Variants in WFDC1 observed in about 807,000 individuals in gnomAD.
The protein encoded by WFDC1 is WAP four-disulfide core domain 1, also known as WAP four-disulfide core domain protein 1.
Under a neutral mutation model 32.9 loss-of-function variants are expected in WFDC1, and 39 were observed. The ratio of observed to expected loss-of-function variants is 1.19; its 90% confidence interval spans 0.92 to 1.55. The LOEUF is 1.55. Ranked by LOEUF, WFDC1 falls within the 40% of genes most tolerant of loss-of-function variation. The pLI is 0.00. For synonymous variants in WFDC1, 184 were observed against 137.4 expected, an observed-to-expected ratio of 1.34 and a Z score of -2.37; for missense variants, 386 against 309.5, an observed-to-expected ratio of 1.25 and a Z score of -1.85.
chr16:84,325,696 A>G (rs1908552726), intron 5 of WFDC1: 1 of 151,752 alleles, frequency 6.6e-6, no homozygotes, highest in Non-Finnish European at 1.5e-5. Flanking sequence ...TCCTCCATCG[A>G]TCTATTCATC....
chr16:84,322,733 GCA>G (rs1908381355), intron 4 of WFDC1, among the ~76,000 whole-genome samples: 1 of 152,200 alleles, frequency 6.6e-6, no homozygotes. Flanking sequence ...CACATTTTAT[GCA>G]AGAGGAAAAT....
At chr16:84,319,948 C>T (rs1908210881) in intron 4 of WFDC1, among the ~76,000 whole-genome samples, 2 of 152,128 alleles carry the variant, frequency 1.3e-5, no homozygotes, top group Admixed American at 1.3e-4. Context: ...GTCGGAGCAG[C>T]CCTAAGGAAT....
chr16:84,322,240 A>G (rs1318559308), intron 4 of WFDC1, among the ~76,000 whole-genome samples: 1 of 150,068 alleles, frequency 6.7e-6, no homozygotes, highest in Non-Finnish European at 1.5e-5. Context: ...TGGAACTGTA[A>G]GTGGAATTCC....
Position 84,313,023 on chromosome 16 carries a change from T to C in WFDC1, c.207T>C (p.Pro69=). 1 of 1,318,002 alleles carries C rather than the reference T, an allele frequency of 7.6e-7. No individual in the cohort carries two copies. The highest frequency in any genetic ancestry group is 9.7e-7 in the Non-Finnish European group (1 of 1,035,572). The allele number at this position is 1,318,002 out of a possible 1,614,324, so 81.6% of individuals were successfully genotyped here. A position where few individuals can be genotyped will look rare whatever the true frequency, so the allele number is the denominator to read the frequency against. Residue 69 remains proline (P), a synonymous_variant, in exon 2 of 7, where the codon CCT becomes CCC. Coordinates refer to ENST00000219454, the MANE Select transcript of WFDC1 (RefSeq NM_021197.4). ...RQPRADRCPP[P]PRTLPPGACQ... ...CCCGAGCAGACCGCTGCCCGCCGCC[T>C]CCGCGGACGCTGCCCCCCGGCGCCT... is the stretch of plus-strand genomic sequence containing the variant.
At chr16:84,309,836 C>T (rs1004544429) in intron 1 of WFDC1, among the ~76,000 whole-genome samples, 10 of 141,224 alleles carry the variant, frequency 7.1e-5, no homozygotes, top group Admixed American at 4.5e-4. Flanking sequence ...TGTGTGCGTG[C>T]GTGTGTACAT....
rs148062672 is a variant in WFDC1 at position 84,308,560 on chromosome 16, G to A, written c.145-4401G>A. On this transcript the variant is annotated intron_variant, in intron 1 of 6. Coordinates refer to ENST00000219454, the MANE Select transcript of WFDC1 (RefSeq NM_021197.4). ...TTTGGCCAATTGAAGCTGATGGGAG[G>A]CCTTCCAGGCAGAGGACCAGCACGT... Among the ~76,000 whole-genome samples, 23 of 152,356 alleles carry A rather than the reference G, an allele frequency of 1.5e-4. No individual in the cohort carries two copies. In the East Asian group the frequency reaches 4.4e-3, roughly 29 times the overall value.
At chr16:84,326,193 C>G (rs1008377221) in intron 5 of WFDC1, 3 of 146,966 alleles carry the variant, frequency 2.0e-5, no homozygotes, top group Non-Finnish European at 3.0e-5. Context: ...ATCCATCCAT[C>G]ATTTATCCAT....
At chr16:84,297,861 C>T (rs1175025617) in intron 1 of WFDC1, among the ~76,000 whole-genome samples, 2 of 152,012 alleles carry the variant, frequency 1.3e-5, no homozygotes, top group Admixed American at 6.6e-5. Context: ...CCCTTTCGTT[C>T]GACAGGGACT....
At chr16:84,326,619 G>T (rs564183701) in intron 5 of WFDC1, 151 of 453,116 alleles carry the variant, frequency 3.3e-4, no homozygotes, top group Middle Eastern at 5.7e-4. Flanking sequence ...GAAGCAATTT[G>T]GCCATCCCCA....
rs539821455 is a variant in WFDC1 at position 84,301,875 on chromosome 16, G to A, written c.144+6760G>A. 1.2e-3 allele frequency among the ~76,000 whole-genome samples: 189 copies of A among 152,332 alleles called. 1 individual carries two copies. The highest frequency in any genetic ancestry group is 4.2e-3 in the African/African-American group (176 of 41,572). ...TGAAATTCCAGGTGGAAATCAACGAGTAAAGAAGCATCCCAGGTCCCTGTG... is the reference window on the plus strand; with the variant it reads ...TGAAATTCCAGGTGGAAATCAACGAATAAAGAAGCATCCCAGGTCCCTGTG... On this transcript the variant is annotated intron_variant, in intron 1 of 6. Coordinates refer to ENST00000219454, the MANE Select transcript of WFDC1 (RefSeq NM_021197.4).
chr16:84,322,141 G>C (rs1908333958), intron 4 of WFDC1, among the ~76,000 whole-genome samples: 1 of 142,676 alleles, frequency 7.0e-6, no homozygotes, highest in Non-Finnish European at 1.5e-5. Flanking sequence ...ACCAGCCTCA[G>C]AGCCTGTGTG....
intron 1 of WFDC1, among the ~76,000 whole-genome samples, chr16:84,307,439 A>C (rs1484962715): frequency 2.0e-5 from 3 of 152,188 alleles, no homozygotes; most frequent in Non-Finnish European, 4.4e-5. Flanking sequence ...CGCAGTAAAT[A>C]ACTCGGGAGA....
chr16:84,311,829 A>T (rs1040797929), intron 1 of WFDC1, among the ~76,000 whole-genome samples: 29 of 151,134 alleles, frequency 1.9e-4, no homozygotes, highest in African/African-American at 6.8e-4. Context: ...TGTGTGCCAC[A>T]GCACCTGGCC....
At chr16:84,298,848 G>T (rs922248354) in intron 1 of WFDC1, among the ~76,000 whole-genome samples, 8 of 152,192 alleles carry the variant, frequency 5.3e-5, no homozygotes, top group Non-Finnish European at 1.0e-4. Flanking sequence ...CTTAGGAGAA[G>T]CTTCTAATGA....
At chr16:84,302,492 T>C (rs1906999308) in intron 1 of WFDC1, among the ~76,000 whole-genome samples, 1 of 152,086 alleles carries the variant, frequency 6.6e-6, no homozygotes, top group Non-Finnish European at 1.5e-5. Context: ...AGAGGCAGCC[T>C]CTCAGCAAGT....
chr16:84,303,030 T>C (rs959029218), intron 1 of WFDC1, among the ~76,000 whole-genome samples: 7 of 151,296 alleles, frequency 4.6e-5, no homozygotes, highest in African/African-American at 1.2e-4. Context: ...TCTTTTTTTT[T>C]TTTTTTTGGC....
In WFDC1 at chr16:84,315,958, G is replaced by T. The variant is rs533715468; in HGVS notation, c.338-2314G>T. On this transcript the variant is annotated intron_variant, in intron 2 of 6. Coordinates refer to ENST00000219454, the MANE Select transcript of WFDC1 (RefSeq NM_021197.4). ...GACCCCAGGGCCACCAGGCCTTTAA[G>T]GGTCTTCAACTAGAGTAATGGGGAG... The T allele has an allele frequency of 2.0e-5, 3 of 152,342 alleles. No individual in the cohort carries two copies. In the South Asian group the frequency reaches 6.2e-4, roughly 32 times the overall value. The allele number at this position is 152,342 out of a possible 1,614,324, so 9.4% of individuals were successfully genotyped here.
chr16:84,305,947 G>A (rs1907224553), intron 1 of WFDC1, among the ~76,000 whole-genome samples: 1 of 151,918 alleles, frequency 6.6e-6, no homozygotes, highest in African/African-American at 2.4e-5. Context: ...AGGTTGCAGT[G>A]AGCTGAGATC....
intron 1 of WFDC1, among the ~76,000 whole-genome samples, chr16:84,308,666 T>TACACACC (rs1907417521): frequency 6.6e-6 from 1 of 152,174 alleles, no homozygotes; most frequent in Non-Finnish European, 1.5e-5. Context: ...ATCCTGAGTG[T>TACACACC]AGACACCAGC....
Sources: gnomAD v4.1 joint callset for allele counts (sites outside exome capture counted in the v4.1 genomes callset) on GRCh38, gnomAD v4.1.1 for gene constraint, MANE v1.5 for transcripts, NCBI Gene and HGNC (gene_info 2026-07-23, HGNC 2026-07-21) for gene names.